Variants in DTNBP1 observed in about 807,000 individuals in gnomAD.
DTNBP1 encodes dysbindin.
A neutral mutation model predicts 42.8 loss-of-function variants in DTNBP1; 35 were observed. The observed-to-expected ratio is 0.82, with a 90% CI of 0.63 to 1.09. DTNBP1 has a LOEUF of 1.09. Ranked by LOEUF, DTNBP1 falls within the 50% of genes least tolerant of loss-of-function variation. DTNBP1 has a pLI of 0.00. For synonymous variants in DTNBP1, 171 were observed against 162.2 expected (o/e 1.05, Z -0.41); for missense variants, 457 against 424.2 (o/e 1.08, Z -0.68).
Position 15,662,983 on chromosome 6 carries a change from A to ACCGGCC in DTNBP1, c.-120_-115dup, listed in dbSNP as rs767922380. The ACCGGCC allele has an allele frequency of 4.2e-6, 6 of 1,411,876 alleles. No individual in the cohort carries two copies. The East Asian group carries it at 9.6e-5, about 23-fold the overall frequency. The allele number at this position is 1,411,876 out of a possible 1,614,324, so 87.5% of individuals were successfully genotyped here. A position where few individuals can be genotyped will look rare whatever the true frequency, so the allele number is the denominator to read the frequency against. On this transcript the variant is annotated 5_prime_UTR_variant, in exon 1 of 10. Coordinates refer to ENST00000344537, the MANE Select transcript of DTNBP1 (RefSeq NM_032122.5). ...TCACCGCGCGCCCCGCACTCCCACT[A>ACCGGCC]CCGGCCCCGCCCCCGGTCTGGTCCT... is the stretch of plus-strand genomic sequence containing the variant.
intron 7 of DTNBP1, among the ~76,000 whole-genome samples, chr6:15,560,604 G>A (rs1774791029): frequency 2.0e-5 from 3 of 152,152 alleles, no homozygotes; most frequent in African/African-American, 7.2e-5. Context: ...AATATAAACA[G>A]GCTTCTTTAA....
intron 6 of DTNBP1, among the ~76,000 whole-genome samples, chr6:15,605,676 GT>G (rs1259617163): frequency 1.3e-5 from 2 of 152,126 alleles, no homozygotes; most frequent in Non-Finnish European, 2.9e-5. Context: ...CATGTAAATG[GT>G]TTTAAGTTCT....
intron 3 of DTNBP1, among the ~76,000 whole-genome samples, chr6:15,638,606 A>G (rs1760160492): frequency 6.6e-6 from 1 of 152,180 alleles, no homozygotes; most frequent in African/African-American, 2.4e-5. Context: ...AAAGTGAGAA[A>G]ACAGTGTTAA....
At chr6:15,566,434 G>A (rs563758581) in intron 7 of DTNBP1, among the ~76,000 whole-genome samples, 1 of 152,200 alleles carries the variant, frequency 6.6e-6, no homozygotes, top group South Asian at 2.1e-4. Context: ...GGGAAGAGGG[G>A]GTCAGGCATG....
At chr6:15,642,483 C>T (rs924172383) in intron 3 of DTNBP1, among the ~76,000 whole-genome samples, 1 of 152,124 alleles carries the variant, frequency 6.6e-6, no homozygotes, top group African/African-American at 2.4e-5. Context: ...GCCTACCTGC[C>T]GGCTCTTACT....
intron 8 of DTNBP1, among the ~76,000 whole-genome samples, chr6:15,525,320 C>T (rs778642602): frequency 6.6e-6 from 1 of 152,230 alleles, no homozygotes; most frequent in Non-Finnish European, 1.5e-5. Flanking sequence ...CATAGGCAAA[C>T]GACCTCTATG....
chr6:15,607,304 ATTTC>A (rs2113674822), intron 6 of DTNBP1, among the ~76,000 whole-genome samples: 1 of 143,106 alleles, frequency 7.0e-6, no homozygotes, highest in East Asian at 2.1e-4. Context: ...CGGCCAAAAT[ATTTC>A]TTTGTTTTTT....
intron 7 of DTNBP1, among the ~76,000 whole-genome samples, chr6:15,578,157 A>C (rs1218106766): frequency 6.6e-6 from 1 of 152,218 alleles, no homozygotes; most frequent in African/African-American, 2.4e-5. Context: ...CTGTGGAAGC[A>C]GGGACAGTCC....
chr6:15,586,718 C>A (rs1452740347), intron 7 of DTNBP1, among the ~76,000 whole-genome samples: 1 of 152,110 alleles, frequency 6.6e-6, no homozygotes, highest in Non-Finnish European at 1.5e-5. Context: ...CATTCCAATC[C>A]TCTGCCATCT....
At chr6:15,561,906 T>C (rs1369598346) in intron 7 of DTNBP1, among the ~76,000 whole-genome samples, 2 of 152,368 alleles carry the variant, frequency 1.3e-5, no homozygotes, top group African/African-American at 2.4e-5. Context: ...CTGCTTATTA[T>C]ACATTTATTG....
chr6:15,566,446 C>A (rs932468503), intron 7 of DTNBP1, among the ~76,000 whole-genome samples: 1 of 152,048 alleles, frequency 6.6e-6, no homozygotes, highest in Admixed American at 6.6e-5. Flanking sequence ...TCAGGCATGC[C>A]TCATCATACC....
chr6:15,589,941 T>C (rs1292734679), intron 7 of DTNBP1, among the ~76,000 whole-genome samples: 1 of 152,200 alleles, frequency 6.6e-6, no homozygotes, highest in Non-Finnish European at 1.5e-5. Flanking sequence ...TACACTTCTT[T>C]TTTTGGAGAC....
intron 7 of DTNBP1, among the ~76,000 whole-genome samples, chr6:15,568,669 A>G (rs571273113): frequency 2.6e-5 from 4 of 152,326 alleles, no homozygotes; most frequent in African/African-American, 9.6e-5. Context: ...CTCTATGTGA[A>G]AACAATGAGG....
intron 3 of DTNBP1, among the ~76,000 whole-genome samples, chr6:15,648,229 T>G (rs903016145): frequency 2.6e-5 from 4 of 151,952 alleles, no homozygotes; most frequent in Non-Finnish European, 5.9e-5. Context: ...ATAAAAACAC[T>G]AAAGTAGAAG....
chr6:15,544,606 T>C (rs887901085), intron 7 of DTNBP1, among the ~76,000 whole-genome samples: 2 of 152,212 alleles, frequency 1.3e-5, no homozygotes, highest in African/African-American at 4.8e-5. Flanking sequence ...AGGTTGAGTA[T>C]CCCTGCGCTG....
At chr6:15,581,372 G>T (rs1168660148) in intron 7 of DTNBP1, among the ~76,000 whole-genome samples, 1 of 151,460 alleles carries the variant, frequency 6.6e-6, no homozygotes, top group Non-Finnish European at 1.5e-5. Context: ...TAGAGACAGG[G>T]TTTCACCATC....
chr6:15,603,681 C>T (rs993821369), intron 6 of DTNBP1, among the ~76,000 whole-genome samples: 1 of 152,172 alleles, frequency 6.6e-6, no homozygotes, highest in Non-Finnish European at 1.5e-5. Context: ...CTTGATTCTT[C>T]TGATGCTTGC....
At chr6:15,592,168 T>G (rs1040174556) in intron 7 of DTNBP1, among the ~76,000 whole-genome samples, 1 of 152,224 alleles carries the variant, frequency 6.6e-6, no homozygotes, top group African/African-American at 2.4e-5. Context: ...ATCACACATA[T>G]AAACAATTCA....
At chr6:15,586,196 T>C (rs1484555263) in intron 7 of DTNBP1, among the ~76,000 whole-genome samples, 1 of 152,172 alleles carries the variant, frequency 6.6e-6, no homozygotes, top group African/African-American at 2.4e-5. Context: ...AAAATATAGT[T>C]CATTTCATAA....
Sources: allele counts gnomAD v4.1 joint callset (sites outside exome capture counted in the v4.1 genomes callset), GRCh38; gene constraint gnomAD v4.1.1; transcripts MANE v1.5; gene names NCBI Gene and HGNC (gene_info 2026-07-23, HGNC 2026-07-21).